CHIC2: variants seen among roughly 807,000 people sequenced by gnomAD.
The protein encoded by CHIC2 is cysteine rich hydrophobic domain 2, also known as cysteine-rich hydrophobic domain-containing protein 2.
In CHIC2, 14 loss-of-function variants were observed where a neutral mutation model predicts 25.9. That is an observed-to-expected ratio of 0.54 (90% CI 0.36 to 0.85). CHIC2 has a LOEUF of 0.85. Among genes scored for constraint, CHIC2 ranks in the 40% least tolerant of loss-of-function variants. The pLI, the probability that CHIC2 is intolerant of heterozygous loss-of-function variation, is 0.01. For synonymous variants in CHIC2, 70 were observed against 72.0 expected (o/e 0.97, Z 0.14); for missense variants, 146 against 202.0 (o/e 0.72, Z 1.68).
At chr4:54,050,342 C>T (rs1716967399) in intron 1 of CHIC2, among the ~76,000 whole-genome samples, 1 of 152,130 alleles carries the variant, frequency 6.6e-6, no homozygotes, top group South Asian at 2.1e-4. Context: ...ATCCCACATA[C>T]ATCCATTTCA....
At chr4:54,043,508 T>G (rs973235050) in intron 3 of CHIC2, among the ~76,000 whole-genome samples, 1 of 151,740 alleles carries the variant, frequency 6.6e-6, no homozygotes, top group Non-Finnish European at 1.5e-5. Context: ...TCAACATTCT[T>G]AAAGAAAAGA....
At chr4:54,021,011 C>T (rs372524713) in intron 3 of CHIC2, among the ~76,000 whole-genome samples, 4 of 152,238 alleles carry the variant, frequency 2.6e-5, no homozygotes, top group Admixed American at 1.3e-4. Context: ...CCCGCTTCTC[C>T]GTGTCTCTAC....
upstream of CHIC2, among the ~76,000 whole-genome samples, chr4:54,066,213 A>T (rs187351618): frequency 8.3e-4 from 126 of 152,252 alleles, no homozygotes; most frequent in Non-Finnish European, 1.4e-3. Context: ...TTACTGTGTG[A>T]CCCTAGACAA....
chr4:54,044,034 A>C (rs1453059439), intron 3 of CHIC2, among the ~76,000 whole-genome samples: 3 of 152,218 alleles, frequency 2.0e-5, no homozygotes, highest in African/African-American at 7.2e-5. Context: ...CTTTAAACCA[A>C]CAAAGATCAA....
intron 3 of CHIC2, among the ~76,000 whole-genome samples, chr4:54,037,370 A>T (rs1300770058): frequency 3.3e-5 from 5 of 152,220 alleles, no homozygotes; most frequent in East Asian, 1.9e-4. Flanking sequence ...AATAAATAAA[A>T]AATAAAACAA....
At chr4:54,020,477 G>A (rs1001728828) in intron 3 of CHIC2, among the ~76,000 whole-genome samples, 3 of 152,174 alleles carry the variant, frequency 2.0e-5, no homozygotes, top group African/African-American at 7.2e-5. Flanking sequence ...CACAAAGTTT[G>A]TTTGGTGGTC....
intron 3 of CHIC2, among the ~76,000 whole-genome samples, chr4:54,018,828 T>G (rs1205559249): frequency 6.6e-6 from 1 of 152,062 alleles, no homozygotes. Context: ...TGAATTGGAT[T>G]TATTCATACC....
At chr4:54,091,322 G>A in the CHIC2 span, among the ~76,000 whole-genome samples, 1 of 152,244 alleles carries the variant, frequency 6.6e-6, no homozygotes. Context: ...GGCTGCGCCC[G>A]TAGCGCACCC....
At chr4:54,040,109 C>T (rs1184329888) in intron 3 of CHIC2, among the ~76,000 whole-genome samples, 1 of 152,148 alleles carries the variant, frequency 6.6e-6, no homozygotes, top group Non-Finnish European at 1.5e-5. Context: ...TTATGGAAAA[C>T]TGTTATGTAT....
chr4:54,022,583 A>C (rs1715936253), intron 3 of CHIC2, among the ~76,000 whole-genome samples: 1 of 151,994 alleles, frequency 6.6e-6, no homozygotes, highest in African/African-American at 2.4e-5. Context: ...ATTTTAACTA[A>C]ATTATCTGCT....
chr4:54,075,958 C>T, the CHIC2 span, among the ~76,000 whole-genome samples: 1 of 152,290 alleles, frequency 6.6e-6, no homozygotes, highest in South Asian at 2.1e-4. Context: ...AGATATTCAT[C>T]CCATTCTATA....
chr4:54,045,223 A>G (rs546974315), intron 3 of CHIC2, among the ~76,000 whole-genome samples: 1 of 152,358 alleles, frequency 6.6e-6, no homozygotes, highest in East Asian at 1.9e-4. Context: ...CAGAGGTACA[A>G]GGAGGAACTG....
chr4:54,058,557 C>T (rs4864496), intron 1 of CHIC2, among the ~76,000 whole-genome samples: 8,107 of 90,236 alleles, frequency 0.09, 197 homozygotes, highest in Non-Finnish European at 0.12. Flanking sequence ...CATACACACA[C>T]ATACACACAC....
At chr4:54,085,662 T>C in the CHIC2 span, among the ~76,000 whole-genome samples, 1 of 152,174 alleles carries the variant, frequency 6.6e-6, no homozygotes, top group Non-Finnish European at 1.5e-5. Context: ...GCCATTATGG[T>C]GTGTTTCCCA....
At chr4:54,085,305 G>C in the CHIC2 span, among the ~76,000 whole-genome samples, 1 of 151,986 alleles carries the variant, frequency 6.6e-6, no homozygotes, top group Non-Finnish European at 1.5e-5. Context: ...AACAGCTATT[G>C]ATTTTAATTA....
chr4:54,081,179 AG>A, the CHIC2 span, among the ~76,000 whole-genome samples: 1 of 151,644 alleles, frequency 6.6e-6, no homozygotes, highest in African/African-American at 2.4e-5. Flanking sequence ...TTTCAGAGAC[AG>A]GGTCTCACTA....
chr4:54,040,469 A>G (rs1234796802), intron 3 of CHIC2, among the ~76,000 whole-genome samples: 1 of 151,842 alleles, frequency 6.6e-6, no homozygotes, highest in African/African-American at 2.4e-5. Flanking sequence ...GGGAGGCCGA[A>G]GCGGGCAGAT....
At chr4:54,051,908 C>T (rs1016454630) in intron 1 of CHIC2, among the ~76,000 whole-genome samples, 2 of 152,284 alleles carry the variant, frequency 1.3e-5, no homozygotes, top group Middle Eastern at 3.4e-3. Context: ...CGTTACCTCC[C>T]ATTCATTATT....
intron 3 of CHIC2, among the ~76,000 whole-genome samples, chr4:54,031,689 G>T (rs371455164): frequency 2.9e-5 from 4 of 139,480 alleles, no homozygotes; most frequent in African/African-American, 8.2e-5. Flanking sequence ...GTGCCATCTC[G>T]GCTCACTGCA....
Sources: allele counts gnomAD v4.1 joint callset (sites outside exome capture counted in the v4.1 genomes callset), GRCh38; gene constraint gnomAD v4.1.1; transcripts MANE v1.5; gene names NCBI Gene and HGNC (gene_info 2026-07-23, HGNC 2026-07-21).